RNFT2: variants seen among roughly 807,000 people sequenced by gnomAD.
RNFT2 encodes the protein E3 ubiquitin-protein ligase RNFT2.
Under a neutral mutation model 53.0 loss-of-function variants are expected in RNFT2, and 36 were observed. The observed-to-expected ratio is 0.68, with a 90% CI of 0.52 to 0.90. RNFT2 has a LOEUF of 0.90. Ranked by LOEUF, RNFT2 falls within the 40% of genes least tolerant of loss-of-function variation. The pLI, the probability that RNFT2 is intolerant of heterozygous loss-of-function variation, is 0.00. For missense variants in RNFT2, 514 were observed against 585.6 expected (o/e 0.88, Z 1.26); for synonymous variants, 260 against 253.2 (o/e 1.03, Z -0.26).
At chr12:116,787,238 G>A (rs1053069226) in intron 7 of RNFT2, among the ~76,000 whole-genome samples, 1 of 152,208 alleles carries the variant, frequency 6.6e-6, no homozygotes, top group Non-Finnish European at 1.5e-5. Flanking sequence ...CAAGCCCGTG[G>A]CTACTTCTGA....
intron 10 of RNFT2, 140 bp from the exon 11 acceptor site, chr12:116,849,174 C>T (rs1308137514): frequency 9.8e-6 from 6 of 613,184 alleles, no homozygotes; most frequent in South Asian, 6.1e-5. Context: ...ATTTTGGAGT[C>T]GCATTGTCTC....
intron 7 of RNFT2, among the ~76,000 whole-genome samples, chr12:116,788,427 C>T (rs981586329): frequency 6.6e-6 from 1 of 152,156 alleles, no homozygotes; most frequent in Non-Finnish European, 1.5e-5. Context: ...AAGAGCCTTC[C>T]CTCTTTCTCA....
At chr12:116,755,790 T>A in intron 5 of RNFT2, 1 of 1,534,452 alleles carries the variant, frequency 6.5e-7, no homozygotes, top group Non-Finnish European at 8.9e-7. Flanking sequence ...CACATATACA[T>A]GGCCAAAGGA....
chr12:116,791,233 CCTTTTGTGTCTGG>C (rs756285750), intron 7 of RNFT2, among the ~76,000 whole-genome samples: 1 of 152,218 alleles, frequency 6.6e-6, no homozygotes, highest in African/African-American at 2.4e-5. Flanking sequence ...CCCTATGTGG[CCTTTTGTGTCTGG>C]CTTCTCTCAT....
chr12:116,762,416 C>G (rs112061843), intron 5 of RNFT2, among the ~76,000 whole-genome samples: 2,817 of 133,638 alleles, frequency 0.021, 82 homozygotes, highest in African/African-American at 0.069. Context: ...AAAAAAAAAA[C>G]AAAGAAAGAA....
intron 7 of RNFT2, among the ~76,000 whole-genome samples, chr12:116,800,244 C>A (rs1874703385): frequency 2.6e-5 from 4 of 152,086 alleles, no homozygotes; most frequent in Admixed American, 6.6e-5. Flanking sequence ...TGCCTGTAAT[C>A]CCTGCACATT....
intron 7 of RNFT2, among the ~76,000 whole-genome samples, chr12:116,804,441 A>T (rs1488114022): frequency 6.6e-6 from 1 of 152,132 alleles, no homozygotes; most frequent in Non-Finnish European, 1.5e-5. Context: ...GTGTAGCTCT[A>T]GTTCTCAGTT....
At chr12:116,786,138 TGA>T (rs1342114294) in intron 7 of RNFT2, among the ~76,000 whole-genome samples, 1 of 151,252 alleles carries the variant, frequency 6.6e-6, no homozygotes, top group Non-Finnish European at 1.5e-5. Flanking sequence ...TTTTTTTTTT[TGA>T]GACAGAGTTT....
chr12:116,774,427 C>T (rs535429738), intron 6 of RNFT2, among the ~76,000 whole-genome samples: 11 of 152,234 alleles, frequency 7.2e-5, no homozygotes, highest in African/African-American at 2.6e-4. Context: ...AAGCAGAATA[C>T]ATTTAGCTTC....
At chr12:116,762,854 C>T (rs141763120) in intron 5 of RNFT2, among the ~76,000 whole-genome samples, 2,991 of 152,208 alleles carry the variant, frequency 0.02, 46 homozygotes, top group Middle Eastern at 0.058. Flanking sequence ...TCAGGTGATC[C>T]GACCACCTCA....
At chr12:116,770,319 G>C (rs527597769) in intron 6 of RNFT2, among the ~76,000 whole-genome samples, 1 of 152,222 alleles carries the variant, frequency 6.6e-6, no homozygotes, top group South Asian at 2.1e-4. Context: ...AAGCTATGTA[G>C]GTTTGTAATC....
chr12:116,783,247 T>C (rs1873790702), intron 7 of RNFT2, among the ~76,000 whole-genome samples: 1 of 152,190 alleles, frequency 6.6e-6, no homozygotes, highest in Non-Finnish European at 1.5e-5. Flanking sequence ...CCCAAGGGTT[T>C]CTCCCAGCTG....
chr12:116,814,062 C>G (rs1875516133), intron 7 of RNFT2, among the ~76,000 whole-genome samples: 1 of 152,150 alleles, frequency 6.6e-6, no homozygotes, highest in Admixed American at 6.6e-5. Context: ...CCTTGGAAAA[C>G]ATGACCCCAG....
chr12:116,779,163 G>A (rs1311314713), intron 6 of RNFT2, 32 bp from the exon 7 acceptor site: 4 of 1,613,294 alleles, frequency 2.5e-6, no homozygotes. Flanking sequence ...GGCCCTAAGG[G>A]AACCTTCTGA....
chr12:116,801,968 C>T (rs534145651), intron 7 of RNFT2, among the ~76,000 whole-genome samples: 2 of 152,194 alleles, frequency 1.3e-5, no homozygotes, highest in South Asian at 2.1e-4. Flanking sequence ...ATTACAGGCA[C>T]CTGCCACCAT....
At chr12:116,804,398 T>C (rs1434751316) in intron 7 of RNFT2, among the ~76,000 whole-genome samples, 1 of 152,252 alleles carries the variant, frequency 6.6e-6, no homozygotes, top group African/African-American at 2.4e-5. Flanking sequence ...GAATGCACAC[T>C]GAAGTTTGAT....
Position 116,853,406 on chromosome 12 carries a change from T to G in RNFT2, c.*3958T>G, listed in dbSNP as rs904155679. 2.6e-6 allele frequency: 1 copy of G among 386,954 alleles called. No individual in the cohort carries two copies. The highest frequency in any genetic ancestry group is 4.6e-6 in the Non-Finnish European group (1 of 219,170). The allele number at this position is 386,954 out of a possible 1,614,324, so 24.0% of individuals were successfully genotyped here. A position where few individuals can be genotyped will look rare whatever the true frequency, so the allele number is the denominator to read the frequency against. On this transcript the variant is annotated 3_prime_UTR_variant, in exon 11 of 11. Coordinates refer to ENST00000257575, the MANE Select transcript of RNFT2 (RefSeq NM_001382266.1). ...ATGTGAGGGAATAAGAAAGGCAAGC[T>G]TTGGACACAGATATGATAGGTGCAT...
intron 7 of RNFT2, among the ~76,000 whole-genome samples, chr12:116,793,210 CT>C (rs35482097): frequency 0.067 from 8,038 of 120,688 alleles, 394 homozygotes; most frequent in African/African-American, 0.17. Context: ...ATCCAGATAG[CT>C]TTTTTTTTTT....
intron 7 of RNFT2, among the ~76,000 whole-genome samples, chr12:116,810,316 G>A (rs1875308182): frequency 1.3e-5 from 2 of 152,190 alleles, no homozygotes; most frequent in African/African-American, 4.8e-5. Flanking sequence ...GCATCGCAAA[G>A]CCACAAGGGC....
Sources: gnomAD v4.1 joint callset for allele counts (sites outside exome capture counted in the v4.1 genomes callset) on GRCh38, gnomAD v4.1.1 for gene constraint, MANE v1.5 for transcripts, NCBI Gene and HGNC (gene_info 2026-07-23, HGNC 2026-07-21) for gene names.